The following TNFAIP6 variants were observed in gnomAD, a reference collection of about 807,000 sequenced individuals.
TNFAIP6 encodes tumor necrosis factor-inducible gene 6 protein.
In TNFAIP6, 36 loss-of-function variants were observed where a neutral mutation model predicts 33.7. That is an observed-to-expected ratio of 1.07 (90% CI 0.82 to 1.41). TNFAIP6 has a LOEUF of 1.41. TNFAIP6 is among the 40% of genes most tolerant of loss of function. The pLI is 0.00. For synonymous variants in TNFAIP6, 113 were observed against 112.8 expected (o/e 1.00, Z -0.01); for missense variants, 273 against 331.9 (o/e 0.82, Z 1.38).
chr2:151,367,855 A>G (rs1016143535), intron 3 of TNFAIP6, among the ~76,000 whole-genome samples: 11 of 151,846 alleles, frequency 7.2e-5, no homozygotes, highest in African/African-American at 2.4e-4. Context: ...CATCACTGGA[A>G]TAAAAAAAAA....
At chr2:151,360,768 T>C (rs1684612522) in intron 1 of TNFAIP6, among the ~76,000 whole-genome samples, 1 of 152,206 alleles carries the variant, frequency 6.6e-6, no homozygotes, top group Non-Finnish European at 1.5e-5. Flanking sequence ...AATCAGAAAT[T>C]ATAACAAAAA....
At chr2:151,366,320 G>T (rs1369665604) in intron 3 of TNFAIP6, 103 bp downstream of exon 3, 2 of 1,071,852 alleles carry the variant, frequency 1.9e-6, no homozygotes, top group South Asian at 1.6e-5. Flanking sequence ...AATTGATTTT[G>T]GTAATAATAA....
At chr2:151,369,920 T>C (rs1684784126) in intron 3 of TNFAIP6, 100 bp from the exon 4 acceptor site, 1 of 874,546 alleles carries the variant, frequency 1.1e-6, no homozygotes, top group South Asian at 1.7e-5. Context: ...ATTTAACATT[T>C]CATAAAAAGT....
chr2:151,375,121 G>A (rs1406051289), intron 5 of TNFAIP6, among the ~76,000 whole-genome samples: 4 of 85,334 alleles, frequency 4.7e-5, no homozygotes, highest in Non-Finnish European at 6.8e-5. Context: ...GCAAAACTCC[G>A]TCTCAAAAAA....
At chr2:151,366,812 G>T (rs1446393965) in intron 3 of TNFAIP6, among the ~76,000 whole-genome samples, 1 of 151,944 alleles carries the variant, frequency 6.6e-6, no homozygotes, top group African/African-American at 2.4e-5. Flanking sequence ...GTATATACTA[G>T]CTATCATTAT....
chr2:151,370,269 A>G (rs1684793558), intron 4 of TNFAIP6, 21 bp downstream of exon 4: 1 of 1,543,084 alleles, frequency 6.5e-7, no homozygotes, highest in Non-Finnish European at 8.9e-7. Context: ...GTCCCCATAC[A>G]GGAAGTTAAA....
At chr2:151,363,002 C>T (rs1460345902) in intron 1 of TNFAIP6, among the ~76,000 whole-genome samples, 1 of 152,046 alleles carries the variant, frequency 6.6e-6, no homozygotes, top group Non-Finnish European at 1.5e-5. Flanking sequence ...GATAGTGTTG[C>T]AATACAATGT....
chr2:151,369,477 T>A (rs1025667428), intron 3 of TNFAIP6, among the ~76,000 whole-genome samples: 4 of 152,078 alleles, frequency 2.6e-5, no homozygotes, highest in Middle Eastern at 3.2e-3. Context: ...CTATATTTAC[T>A]TTTTTAAAAT....
chr2:151,357,759 T>C lies in TNFAIP6; in HGVS notation c.93T>C (p.Leu31=), dbSNP rs2152010208. The C allele has an allele frequency of 6.3e-7, 1 of 1,592,066 alleles. No individual in the cohort carries two copies. The highest frequency in any genetic ancestry group is 8.6e-7 in the Non-Finnish European group (1 of 1,160,298). Residue 31 remains leucine (L), a splice_region_variant and synonymous_variant, in exon 1 of 6, where the codon CTT becomes CTC. Transcript: ENST00000243347. ...GAATTTTTCATAACTCCATATGGCT[T>C]GGTAAGAACCTTCACTCATGAGCCT... ...KDGIFHNSIW[L]ERAAGVYHRE...
intron 4 of TNFAIP6, among the ~76,000 whole-genome samples, chr2:151,370,931 C>T (rs1210427047): frequency 6.6e-6 from 1 of 151,964 alleles, no homozygotes; most frequent in African/African-American, 2.4e-5. Context: ...ATTAGCCGGG[C>T]GTGGTGGCAG....
In TNFAIP6 at chr2:151,370,253, G is replaced by C. The variant is rs78557188; in HGVS notation, c.623+5G>C. The C allele has an allele frequency of 3.7e-6, 6 of 1,605,634 alleles. No individual in the cohort carries two copies. The highest frequency in any genetic ancestry group is 5.1e-6 in the Non-Finnish European group (6 of 1,172,544). ...TGTCCATGGCTTTGTGGGAAGGTAC[G>C]TATGGGTCCCCATACAGGAAGTTAA... On this transcript the variant is annotated splice_donor_5th_base_variant and intron_variant, in intron 4 of 5. Transcript: ENST00000243347.
At chr2:151,374,693 A>G (rs1684872589) in intron 5 of TNFAIP6, among the ~76,000 whole-genome samples, 1 of 152,256 alleles carries the variant, frequency 6.6e-6, no homozygotes, top group African/African-American at 2.4e-5. Context: ...AAGAAAGATA[A>G]CCTATTAAAT....
At chr2:151,380,329 T>C (rs1684993412), downstream of TNFAIP6, among the ~76,000 whole-genome samples, 1 of 152,200 alleles carries the variant, frequency 6.6e-6, no homozygotes, top group African/African-American at 2.4e-5. Flanking sequence ...ATGTTTGTCA[T>C]ATATGCTGTA....
intron 3 of TNFAIP6, chr2:151,368,323 C>G (rs1684752584): frequency 6.6e-6 from 1 of 150,680 alleles, no homozygotes; most frequent in Admixed American, 6.7e-5. Context: ...AGATCCTTGA[C>G]CTTCATTTGT....
intron 1 of TNFAIP6, among the ~76,000 whole-genome samples, chr2:151,363,644 A>G (rs1280339062): frequency 1.3e-5 from 2 of 152,144 alleles, no homozygotes; most frequent in Non-Finnish European, 2.9e-5. Context: ...CCTGGGAGAC[A>G]GAGAGACTCC....
At chr2:151,381,139 C>T (rs2152020694), downstream of TNFAIP6, among the ~76,000 whole-genome samples, 1 of 152,026 alleles carries the variant, frequency 6.6e-6, no homozygotes, top group Middle Eastern at 3.4e-3. Flanking sequence ...TTCCATCTTC[C>T]CTCTTGCCCC....
At chr2:151,378,811 G>A (rs1684963944) in intron 5 of TNFAIP6, among the ~76,000 whole-genome samples, 1 of 150,454 alleles carries the variant, frequency 6.6e-6, no homozygotes, top group African/African-American at 2.4e-5. Context: ...TTAAATACAA[G>A]AGAGAGGCCA....
In TNFAIP6 at chr2:151,362,383, C is replaced by A. The variant is rs78377776; in HGVS notation, c.95-1560C>A. ...GGTAGTTAGGTGTGTCCAGTTTTTT[C>A]TCTGCTGTGTTTGAATCTATTTTTC... On this transcript the variant is annotated intron_variant, in intron 1 of 5. Transcript: ENST00000243347. Among the ~76,000 whole-genome samples the A allele has an allele frequency of 8.0e-3, 1,195 of 148,792 alleles. 23 individuals carry two copies. The East Asian group carries it at 0.096, about 12-fold the overall frequency.
At chr2:151,372,468 A>G (rs1426340040) in intron 4 of TNFAIP6, among the ~76,000 whole-genome samples, 2 of 152,300 alleles carry the variant, frequency 1.3e-5, no homozygotes, top group Middle Eastern at 3.4e-3. Context: ...CTTTCAAGTC[A>G]TGATTCAGAT....
Sources: allele counts gnomAD v4.1 joint callset (sites outside exome capture counted in the v4.1 genomes callset), GRCh38; gene constraint gnomAD v4.1.1; transcripts MANE v1.5; gene names NCBI Gene and HGNC (gene_info 2026-07-23, HGNC 2026-07-21).